FREM2: variants seen among roughly 807,000 people sequenced by gnomAD.
FREM2 encodes the protein FRAS1-related extracellular matrix protein 2.
A neutral mutation model predicts 219.9 loss-of-function variants in FREM2; 119 were observed. The ratio of observed to expected loss-of-function variants is 0.54; its 90% CI spans 0.47 to 0.63. FREM2 has a LOEUF of 0.63. FREM2 is among the 30% of genes least tolerant of loss of function. The probability of loss-of-function intolerance (pLI) is 0.00; values close to 1 mark genes in which losing one functional copy is unlikely to be tolerated. For synonymous variants in FREM2, 1,562 were observed against 1,522.8 expected, an observed-to-expected ratio of 1.03 and a Z score of -0.60; for missense variants, 4,030 against 3,993.6, an observed-to-expected ratio of 1.01 and a Z score of -0.25.
chr13:38,817,866 C>T (rs1485424421), intron 6 of FREM2, among the ~76,000 whole-genome samples: 1 of 151,724 alleles, frequency 6.6e-6, no homozygotes, highest in African/African-American at 2.4e-5. Flanking sequence ...ACAACAATAA[C>T]AATATTAATC....
chr13:38,846,812 C>G (rs2137907056), intron 7 of FREM2, 90 bp downstream of exon 7: 1 of 1,412,006 alleles, frequency 7.1e-7, no homozygotes, highest in African/African-American at 1.4e-5. Flanking sequence ...TACTTCACTT[C>G]TATTAAAGCA....
intron 3 of FREM2, among the ~76,000 whole-genome samples, chr13:38,767,533 GA>G (rs1196113913): frequency 6.6e-6 from 1 of 152,136 alleles, no homozygotes; most frequent in Non-Finnish European, 1.5e-5. Flanking sequence ...GCTGATGAAA[GA>G]AAACAAAACA....
intron 16 of FREM2, among the ~76,000 whole-genome samples, chr13:38,865,254 T>A (rs1331928755): frequency 6.6e-6 from 1 of 152,046 alleles, no homozygotes; most frequent in African/African-American, 2.4e-5. Context: ...ACACATAAAA[T>A]ACACATACAC....
Position 38,874,371 on chromosome 13 carries a change from G to A in FREM2, c.8177-111G>A, listed in dbSNP as rs192867346. 7 of 814,594 alleles carry A rather than the reference G, an allele frequency of 8.6e-6. No individual in the cohort carries two copies. The African/African-American group carries it at 1.2e-4, about 14-fold the overall frequency. 50.5% of individuals were successfully genotyped at this position (814,594 alleles called of 1,614,324 possible). On this transcript the variant is annotated intron_variant, in intron 17 of 23. Transcript: ENST00000280481. ...CAGAATTCTTCTGATAATACCCTTT[G>A]CCCAGAATGTTTAAAGACAAGTCAA...
intron 2 of FREM2, among the ~76,000 whole-genome samples, chr13:38,703,040 G>A (rs942361122): frequency 3.9e-4 from 59 of 152,060 alleles, no homozygotes; most frequent in African/African-American, 1.3e-3. Flanking sequence ...GTCATTTAAG[G>A]TCAAGGCTTT....
chr13:38,841,087 T>C (rs2137900071), intron 6 of FREM2, among the ~76,000 whole-genome samples: 1 of 152,306 alleles, frequency 6.6e-6, no homozygotes, highest in East Asian at 1.9e-4. Context: ...TGGGGAAATC[T>C]CTTAATCTCC....
intron 6 of FREM2, among the ~76,000 whole-genome samples, chr13:38,814,031 T>C (rs1875653662): frequency 6.6e-6 from 1 of 152,134 alleles, no homozygotes; most frequent in Admixed American, 6.6e-5. Context: ...GTCTATAATT[T>C]CTGTTTGATT....
chr13:38,714,126 A>G (rs1371326820), intron 2 of FREM2, among the ~76,000 whole-genome samples: 1 of 152,262 alleles, frequency 6.6e-6, no homozygotes, highest in African/African-American at 2.4e-5. Context: ...GCCTTGTCAC[A>G]GTCATATTTG....
In FREM2 at chr13:38,859,382, T is replaced by A. The variant is rs1461612597; in HGVS notation, c.7311T>A (p.Ile2437=). Reference sequence around the variant, plus strand: ...CTTTGACGCGGTACCGGTGGCTGATTAGTGCACCTGCGGGCCCTGACGGTG... The same window carrying A: ...CTTTGACGCGGTACCGGTGGCTGATAAGTGCACCTGCGGGCCCTGACGGTG... ...NDTLTRYRWL[I]SAPAGPDGVT... is the part of the protein sequence containing the mutation. Residue 2437 remains isoleucine, a synonymous_variant, in exon 14 of 24, where the codon ATT becomes ATA. Transcript: ENST00000280481. 3 of 1,614,202 alleles carry A rather than the reference T, an allele frequency of 1.9e-6. No individual in the cohort carries two copies. Among genetic ancestry groups the A allele is most frequent in the Non-Finnish European group, 1.7e-6 (2 of 1,180,026 alleles).
At chr13:38,857,717 C>T (rs1250519132) in intron 12 of FREM2, among the ~76,000 whole-genome samples, 158 bp from the exon 13 acceptor site, 2 of 152,156 alleles carry the variant, frequency 1.3e-5, no homozygotes, top group African/African-American at 4.8e-5. Context: ...GTGCTGCAGG[C>T]CACTTAGGGC....
At chr13:38,794,533 T>C (rs565554361) in intron 6 of FREM2, among the ~76,000 whole-genome samples, 1 of 152,336 alleles carries the variant, frequency 6.6e-6, no homozygotes, top group Admixed American at 6.5e-5. Context: ...GGAATTTGCT[T>C]TTTGACCATC....
chr13:38,856,045 T>TAAAAAAAAAAAAAAAAAAAAAAAAAAAA (rs34182165), intron 11 of FREM2, 81 bp from the exon 12 acceptor site: 1 of 507,128 alleles, frequency 2.0e-6, no homozygotes. Context: ...TAGGCCACAG[T>TAAAAAAAAAAAAAAAAAAAAAAAAAAAA]AAAAAAAAAA....
intron 2 of FREM2, among the ~76,000 whole-genome samples, chr13:38,741,377 C>T (rs1415480374): frequency 1.3e-5 from 2 of 152,164 alleles, no homozygotes. Flanking sequence ...TCAGTATATC[C>T]AGCAAGTCAC....
chr13:38,864,202 T>G, intron 15 of FREM2, 73 bp from the exon 16 acceptor site: 1 of 1,128,290 alleles, frequency 8.9e-7, no homozygotes, highest in Middle Eastern at 2.0e-4. Flanking sequence ...TCTTAAGAGA[T>G]AAAGAAGTTT....
intron 2 of FREM2, among the ~76,000 whole-genome samples, chr13:38,732,385 G>A (rs1322325567): frequency 3.3e-5 from 5 of 152,090 alleles, no homozygotes; most frequent in African/African-American, 1.2e-4. Context: ...AAAATATCAT[G>A]GCTATGTATT....
In FREM2 at chr13:38,712,181, A is replaced by G. The variant is rs559573719; in HGVS notation, c.5263+14394A>G. Among the ~76,000 whole-genome samples the G allele has an allele frequency of 3.9e-5, 6 of 152,172 alleles. 1 individual carries two copies. In the South Asian group the frequency reaches 1.2e-3, roughly 32 times the overall value. On this transcript the variant is annotated intron_variant, in intron 2 of 23. Transcript: ENST00000280481. ...AGTGCTGGGATTACAGGCGTGAGCCACCGCGCCCAGCCCCTGAGAGTTTAA... is the reference window on the plus strand; with the variant it reads ...AGTGCTGGGATTACAGGCGTGAGCCGCCGCGCCCAGCCCCTGAGAGTTTAA...
intron 6 of FREM2, among the ~76,000 whole-genome samples, chr13:38,798,368 T>G (rs1874874878): frequency 6.6e-6 from 1 of 151,984 alleles, no homozygotes. Flanking sequence ...CTGTTGGATG[T>G]GCTAGTATGA....
chr13:38,715,658 G>A (rs773863382), intron 2 of FREM2, among the ~76,000 whole-genome samples: 1 of 151,312 alleles, frequency 6.6e-6, no homozygotes, highest in East Asian at 1.9e-4. Flanking sequence ...TTATATAGAC[G>A]TATATAATGG....
At chr13:38,768,545 G>A (rs1243353927) in intron 3 of FREM2, among the ~76,000 whole-genome samples, 1 of 152,086 alleles carries the variant, frequency 6.6e-6, no homozygotes, top group Non-Finnish European at 1.5e-5. Context: ...CCAAACTGCT[G>A]GGATGATAAA....
Sources: allele counts gnomAD v4.1 joint callset (sites outside exome capture counted in the v4.1 genomes callset), GRCh38; gene constraint gnomAD v4.1.1; transcripts MANE v1.5; gene names NCBI Gene and HGNC (gene_info 2026-07-23, HGNC 2026-07-21).